CELF4: variants seen among roughly 807,000 people sequenced by gnomAD.
The protein encoded by CELF4 is CUGBP Elav-like family member 4, also known as CUG-BP- and ETR-3-like factor 4.
In CELF4, 18 loss-of-function variants were observed where a neutral mutation model predicts 59.9. That is an observed-to-expected ratio of 0.30 (90% confidence interval 0.21 to 0.45). The LOEUF is 0.45. CELF4 is among the 20% of genes least tolerant of loss of function. CELF4 has a pLI of 1.00. For missense variants in CELF4, 456 were observed against 689.0 expected, an observed-to-expected ratio of 0.66 and a Z score of 3.79; for synonymous variants, 261 against 267.1, an observed-to-expected ratio of 0.98 and a Z score of 0.22.
intron 2 of CELF4, among the ~76,000 whole-genome samples, chr18:37,396,929 T>C (rs1291511073): frequency 6.6e-6 from 1 of 152,192 alleles, no homozygotes; most frequent in Non-Finnish European, 1.5e-5. Flanking sequence ...TTTTTCTTAA[T>C]TAAAGGAGCA....
chr18:37,536,044 C>A (rs1252305102), intron 1 of CELF4, among the ~76,000 whole-genome samples: 1 of 152,144 alleles, frequency 6.6e-6, no homozygotes, highest in African/African-American at 2.4e-5. Context: ...TGCTGGGAGC[C>A]CAAGTTGCAT....
chr18:37,318,332 C>T (rs2096942040), intron 3 of CELF4, among the ~76,000 whole-genome samples: 1 of 151,522 alleles, frequency 6.6e-6, no homozygotes, highest in Non-Finnish European at 1.5e-5. Context: ...TCACCTCCTT[C>T]CCTTCTCTCC....
chr18:37,301,227 T>C (rs1430874686), intron 3 of CELF4, among the ~76,000 whole-genome samples: 2 of 152,166 alleles, frequency 1.3e-5, no homozygotes, highest in East Asian at 1.9e-4. Context: ...CTGGAGAGGA[T>C]GTCAGTGTGA....
chr18:37,275,036 G>T, intron 4 of CELF4, 79 bp downstream of exon 4: 1 of 1,564,132 alleles, frequency 6.4e-7, no homozygotes, highest in Non-Finnish European at 8.7e-7. Context: ...GATGGCCCCG[G>T]AGACTCAGAG....
chr18:37,499,477 G>A (rs752010486), intron 1 of CELF4, among the ~76,000 whole-genome samples: 21 of 152,212 alleles, frequency 1.4e-4, no homozygotes, highest in Non-Finnish European at 2.8e-4. Flanking sequence ...GCAGCACTGA[G>A]AGGGGACAGC....
intron 2 of CELF4, among the ~76,000 whole-genome samples, chr18:37,417,240 G>A (rs997315362): frequency 4.6e-5 from 7 of 152,124 alleles, no homozygotes; most frequent in African/African-American, 1.7e-4. Context: ...AGCTGGGTCT[G>A]GGGGGTAAAC....
intron 3 of CELF4, chr18:37,306,151 G>A (rs1203782902): frequency 6.6e-6 from 1 of 152,264 alleles, no homozygotes; most frequent in Non-Finnish European, 1.5e-5. Flanking sequence ...GGGGGGCCAG[G>A]GCCTCAGGGT....
chr18:37,262,407 G>T (rs12966638), intron 10 of CELF4, among the ~76,000 whole-genome samples: 3 of 150,702 alleles, frequency 2.0e-5, no homozygotes, highest in African/African-American at 7.4e-5. Flanking sequence ...GGTGGGGGAG[G>T]GGGGGGCAGG....
chr18:37,427,036 A>ATG (rs1301194063), intron 2 of CELF4, among the ~76,000 whole-genome samples: 1 of 40,574 alleles, frequency 2.5e-5, no homozygotes, highest in Non-Finnish European at 5.7e-5. Context: ...CAGCAGGGAC[A>ATG]CGGGGGGGGG....
At chr18:37,249,034 C>T (rs535323078) in intron 12 of CELF4, among the ~76,000 whole-genome samples, 3 of 152,138 alleles carry the variant, frequency 2.0e-5, no homozygotes, top group Admixed American at 1.3e-4. Context: ...AGCCCAAGCC[C>T]GGCCTCCAGC....
Position 37,565,677 on chromosome 18 carries a change from C to A in CELF4, c.-36G>T. 1 of 1,523,560 alleles carries A rather than the reference C, an allele frequency of 6.6e-7. No homozygotes were observed. Among genetic ancestry groups the A allele is most frequent in the South Asian group, 1.3e-5 (1 of 78,804 alleles). 94.4% of individuals were successfully genotyped at this position (1,523,560 alleles called of 1,614,324 possible). On this transcript the variant is annotated 5_prime_UTR_variant, in exon 1 of 13. Transcript: ENST00000420428. ...TTCTTTCCTTTTATTCTTTCTCGCT[C>A]ACACTCTCTCGCTCCTCTCTCTCGC...
At chr18:37,485,635 G>C (rs746579513) in intron 1 of CELF4, 28 bp from the exon 2 acceptor site, 4 of 1,369,086 alleles carry the variant, frequency 2.9e-6, no homozygotes, top group Non-Finnish European at 3.8e-6. Context: ...CGCCAAGAAG[G>C]GTCAGTGGGG....
chr18:37,485,838 TC>T, intron 1 of CELF4: 1 of 355,446 alleles, frequency 2.8e-6, no homozygotes, highest in Non-Finnish European at 5.0e-6. Context: ...CCGCGGAGTC[TC>T]CCCACCCTGC....
rs759258354 is a variant in CELF4 at position 37,259,080 on chromosome 18, C to G, written c.1333+101G>C. The G allele has an allele frequency of 6.3e-6, 10 of 1,582,174 alleles. No homozygotes were observed. In the East Asian group the frequency reaches 2.0e-4, roughly 32 times the overall value. On this transcript the variant is annotated intron_variant, in intron 11 of 12. Transcript: ENST00000420428. ...CCGGTAGGTTGGTGCGAGCACCGCC[C>G]TGTCCTAGGTGAAGCTAATTGGTTT... is the stretch of plus-strand genomic sequence containing the variant.
At chr18:37,515,440 C>G (rs2099949593) in intron 1 of CELF4, among the ~76,000 whole-genome samples, 2 of 152,182 alleles carry the variant, frequency 1.3e-5, no homozygotes, top group Non-Finnish European at 2.9e-5. Flanking sequence ...TCCCTTCTAT[C>G]TTTGGCAGGC....
chr18:37,472,372 G>A (rs544279050), intron 2 of CELF4, among the ~76,000 whole-genome samples: 1 of 152,250 alleles, frequency 6.6e-6, no homozygotes, highest in East Asian at 1.9e-4. Flanking sequence ...CGCATCCTGC[G>A]TTGGCTGCCC....
intron 1 of CELF4, chr18:37,528,859 G>A (rs2099966600): frequency 6.6e-6 from 1 of 152,166 alleles, no homozygotes; most frequent in Admixed American, 6.5e-5. Flanking sequence ...ACTGTACCAG[G>A]TGGAGGTACC....
chr18:37,456,095 C>G (rs941360314), intron 2 of CELF4, among the ~76,000 whole-genome samples: 1 of 152,198 alleles, frequency 6.6e-6, no homozygotes, highest in Non-Finnish European at 1.5e-5. Flanking sequence ...GCAGAGGGAA[C>G]CCCAGAGCCT....
At chr18:37,304,880 G>C (rs968460913) in intron 3 of CELF4, among the ~76,000 whole-genome samples, 1 of 152,226 alleles carries the variant, frequency 6.6e-6, no homozygotes, top group Non-Finnish European at 1.5e-5. Context: ...GTCCAGAAGG[G>C]AGGGGGAGCA....
Sources: allele counts gnomAD v4.1 joint callset (sites outside exome capture counted in the v4.1 genomes callset), GRCh38; gene constraint gnomAD v4.1.1; transcripts MANE v1.5; gene names NCBI Gene and HGNC (gene_info 2026-07-23, HGNC 2026-07-21).